The following DNMT3B variants were observed in gnomAD, a reference collection of about 807,000 sequenced individuals.
DNMT3B encodes the protein DNA (cytosine-5)-methyltransferase 3B.
Under a neutral mutation model 120.2 loss-of-function variants are expected in DNMT3B, and 37 were observed. That is an observed-to-expected ratio of 0.31 (90% CI 0.24 to 0.40). DNMT3B has a LOEUF of 0.40. DNMT3B is among the 10% of genes least tolerant of loss of function. DNMT3B has a pLI of 1.00. For missense variants in DNMT3B, 878 were observed against 1,137.3 expected (o/e 0.77, Z 3.28); for synonymous variants, 412 against 442.8 (o/e 0.93, Z 0.87).
Position 32,808,021 on chromosome 20 carries a change from C to A in DNMT3B, c.*118C>A. ...TCAGCTGTGTGGGTCATACCGTGTA[C>A]CTCAGTTCCCTCTTGCTCAGTGGGG... On this transcript the variant is annotated 3_prime_UTR_variant, in exon 23 of 23. Coordinates refer to ENST00000328111, the MANE Select transcript of DNMT3B (RefSeq NM_006892.4). The A allele has an allele frequency of 6.4e-7, 1 of 1,554,084 alleles. No individual in the cohort carries two copies. The highest frequency in any genetic ancestry group is 8.8e-7 in the Non-Finnish European group (1 of 1,141,308).
chr20:32,797,156 G>A (rs1354725986), intron 13 of DNMT3B, 31 bp from the exon 14 acceptor site: 9 of 1,611,358 alleles, frequency 5.6e-6, no homozygotes, highest in East Asian at 2.2e-5. Context: ...TCTGGTCTCC[G>A]ATTTCACTGG....
intron 22 of DNMT3B, among the ~76,000 whole-genome samples, chr20:32,807,280 G>T (rs1982076114): frequency 6.6e-6 from 1 of 152,122 alleles, no homozygotes; most frequent in Admixed American, 6.5e-5. Flanking sequence ...GAAGCTTTTG[G>T]TATATTTGAT....
At chr20:32,801,230 G>C in intron 18 of DNMT3B, 48 bp from the exon 19 acceptor site, 5 of 1,613,754 alleles carry the variant, frequency 3.1e-6, no homozygotes, top group Non-Finnish European at 4.2e-6. Flanking sequence ...GGTGGGTTGG[G>C]CTGGAGGTTT....
intron 10 of DNMT3B, among the ~76,000 whole-genome samples, chr20:32,793,796 G>A (rs982788414): frequency 1.3e-5 from 2 of 152,010 alleles, no homozygotes; most frequent in African/African-American, 4.8e-5. Context: ...AGATTTTTCT[G>A]AACACTAGTT....
intron 1 of DNMT3B, among the ~76,000 whole-genome samples, chr20:32,769,156 C>T (rs1247795076): frequency 6.6e-6 from 1 of 151,870 alleles, no homozygotes; most frequent in Non-Finnish European, 1.5e-5. Flanking sequence ...GAGATCTCGG[C>T]TCACTGCAAG....
At chr20:32,793,730 T>C in intron 10 of DNMT3B, 135 bp downstream of exon 10, 1 of 973,246 alleles carries the variant, frequency 1.0e-6, no homozygotes, top group Non-Finnish European at 1.6e-6. Flanking sequence ...CACTCTCCCC[T>C]CACATCCCAC....
At chr20:32,790,459 C>T (rs1979844705) in intron 7 of DNMT3B, among the ~76,000 whole-genome samples, 1 of 152,150 alleles carries the variant, frequency 6.6e-6, no homozygotes, top group African/African-American at 2.4e-5. Context: ...AGTGCCTGCT[C>T]AGCATGTGTA....
At chr20:32,776,975 T>C (rs1988101383) in intron 1 of DNMT3B, among the ~76,000 whole-genome samples, 1 of 152,122 alleles carries the variant, frequency 6.6e-6, no homozygotes, top group African/African-American at 2.4e-5. Flanking sequence ...TCTTTAGTCA[T>C]GGGTGCAGGT....
chr20:32,792,592 A>AC (rs748074327), intron 8 of DNMT3B, 34 bp from the exon 9 acceptor site: 110 of 1,611,936 alleles, frequency 6.8e-5, no homozygotes, highest in East Asian at 2.7e-4. Flanking sequence ...CCTCCTCCCC[A>AC]CCCCCCCATT....
At chr20:32,769,842 A>G (rs1445402443) in intron 1 of DNMT3B, among the ~76,000 whole-genome samples, 3 of 151,992 alleles carry the variant, frequency 2.0e-5, no homozygotes, top group Non-Finnish European at 4.4e-5. Context: ...CGCCTCCTGA[A>G]TTCAAGCAGG....
chr20:32,791,394 A>T (rs1979957767), intron 7 of DNMT3B, among the ~76,000 whole-genome samples: 2 of 151,946 alleles, frequency 1.3e-5, no homozygotes, highest in Admixed American at 1.3e-4. Flanking sequence ...AAGGTTCTGG[A>T]TATCTGTGTG....
At chr20:32,807,503 T>C (rs1982097874) in intron 22 of DNMT3B, among the ~76,000 whole-genome samples, 1 of 152,168 alleles carries the variant, frequency 6.6e-6, no homozygotes. Flanking sequence ...TATGCATGCA[T>C]TTATTCTAGG....
chr20:32,794,359 A>C lies in DNMT3B; in HGVS notation c.1126+764A>C, dbSNP rs867608889. Among the ~76,000 whole-genome samples, 42 of 151,392 alleles carry C rather than the reference A, an allele frequency of 2.8e-4. 1 individual carries two copies. The highest frequency in any genetic ancestry group is 3.4e-3 in the Middle Eastern group (1 of 292). On this transcript the variant is annotated intron_variant, in intron 10 of 22. Coordinates refer to ENST00000328111, the MANE Select transcript of DNMT3B (RefSeq NM_006892.4). ...ACCTGTCTCAAAAAAAAAAAAAAAA[A>C]AAAAAACCAAAACAGAAACAAAAAA...
intron 1 of DNMT3B, among the ~76,000 whole-genome samples, chr20:32,776,086 A>G (rs1187441001): frequency 6.6e-6 from 1 of 152,096 alleles, no homozygotes; most frequent in Non-Finnish European, 1.5e-5. Context: ...AAAATTAGCC[A>G]GGCATGGTGG....
chr20:32,796,897 C>T, intron 13 of DNMT3B, 28 bp downstream of exon 13: 1 of 1,614,172 alleles, frequency 6.2e-7, no homozygotes, highest in South Asian at 1.1e-5. Context: ...TGCCCTGGAC[C>T]TTCCTCCCCT....
chr20:32,787,171 G>C, intron 5 of DNMT3B, 59 bp from the exon 6 acceptor site: 1 of 1,601,544 alleles, frequency 6.2e-7, no homozygotes. Context: ...GGGTGCCGTT[G>C]GTCTCTGGTC....
intron 8 of DNMT3B, 134 bp from the exon 9 acceptor site, chr20:32,792,492 C>G: frequency 6.8e-7 from 1 of 1,474,280 alleles, no homozygotes; most frequent in Non-Finnish European, 9.3e-7. Flanking sequence ...ATACCACAGC[C>G]CAGGACAGCT....
At chr20:32,763,276 G>A (rs1987085377) in intron 1 of DNMT3B, among the ~76,000 whole-genome samples, 1 of 152,216 alleles carries the variant, frequency 6.6e-6, no homozygotes, top group Non-Finnish European at 1.5e-5. Context: ...GTGAGTGTGG[G>A]CTTAGACTCG....
At position 32,802,443 on chromosome 20, in the gene DNMT3B, T is replaced by C. The variant is rs1284473301; in HGVS notation, c.2204T>C (p.Phe735Ser). 1 of 1,614,174 alleles carries C rather than the reference T, an allele frequency of 6.2e-7. No individual in the cohort carries two copies. Among genetic ancestry groups the C allele is most frequent in the Admixed American group, 1.7e-5 (1 of 60,010 alleles). ...TCTGCTGCTCACAGGGCCCGATACT[T>C]CTGGGGCAACCTACCCGGGATGAAC... ...KVSAAHRARY[F>S]WGNLPGMNRP... The change falls in exon 20 of 23, where the codon TTC (phenylalanine) becomes TCC (serine). Residue 735 changes from phenylalanine (F) to serine (S), a missense_variant. Coordinates refer to ENST00000328111, the MANE Select transcript of DNMT3B (RefSeq NM_006892.4).
Sources: allele counts gnomAD v4.1 joint callset (sites outside exome capture counted in the v4.1 genomes callset), GRCh38; gene constraint gnomAD v4.1.1; transcripts MANE v1.5; gene names NCBI Gene and HGNC (gene_info 2026-07-23, HGNC 2026-07-21).